MRTFA: variants seen among roughly 807,000 people sequenced by gnomAD.
MRTFA encodes myocardin related transcription factor A, also known as myocardin-related transcription factor A.
In MRTFA, 20 loss-of-function variants were observed where a neutral mutation model predicts 83.5. The observed-to-expected ratio is 0.24, with a 90% CI of 0.17 to 0.35. The LOEUF is 0.35. MRTFA is among the 10% of genes least tolerant of loss of function. MRTFA has a pLI of 1.00. For missense variants in MRTFA, 1,200 were observed against 1,224.7 expected (o/e 0.98, Z 0.30); for synonymous variants, 659 against 541.2 (o/e 1.22, Z -3.02).
At chr22:40,555,918 C>T (rs1475614674) in intron 2 of MRTFA, among the ~76,000 whole-genome samples, 2 of 151,984 alleles carry the variant, frequency 1.3e-5, no homozygotes, top group South Asian at 2.1e-4. Flanking sequence ...GGATTACAGG[C>T]GTGAGCCACC....
chr22:40,618,302 G>A (rs2056479567), intron 1 of MRTFA, among the ~76,000 whole-genome samples: 1 of 149,886 alleles, frequency 6.7e-6, no homozygotes, highest in Non-Finnish European at 1.5e-5. Flanking sequence ...GTGTTAGCCA[G>A]GGTGGTCTCA....
chr22:40,455,803 AGTATGTATGTATGTATGTAT>A (rs3044520), intron 4 of MRTFA, among the ~76,000 whole-genome samples: 5 of 143,256 alleles, frequency 3.5e-5, no homozygotes, highest in Admixed American at 1.4e-4. Flanking sequence ...ATGGTATCCC[AGTATGTATGTATGTATGTAT>A]GTATGTATGT....
intron 4 of MRTFA, among the ~76,000 whole-genome samples, chr22:40,457,371 A>C (rs1309800577): frequency 6.6e-6 from 1 of 151,620 alleles, no homozygotes; most frequent in East Asian, 1.9e-4. Flanking sequence ...TTTTGTCAAG[A>C]AAGAAAGGAA....
Position 40,553,218 on chromosome 22 carries a change from T to C in MRTFA, c.-21-851A>G, listed in dbSNP as rs146347350. Among the ~76,000 whole-genome samples, 451 of 152,306 alleles carry C rather than the reference T, an allele frequency of 3.0e-3. 3 individuals are homozygous for C. The highest frequency in any genetic ancestry group is 0.01 in the African/African-American group (427 of 41,568). On this transcript the variant is annotated intron_variant, in intron 2 of 14. Coordinates refer to ENST00000355630, the MANE Select transcript of MRTFA (RefSeq NM_020831.6). ...GAAAATCTGCAGCATGATGATGCAA[T>C]AGAAAACAAAAACTCATTTTCTGGG...
chr22:40,464,511 AAAAAAAAAGAAAG>A (rs2053780935), intron 3 of MRTFA, among the ~76,000 whole-genome samples: 1 of 151,656 alleles, frequency 6.6e-6, no homozygotes, highest in East Asian at 1.9e-4. Flanking sequence ...CCCGTCTAAA[AAAAAAAAAGAAAG>A]AAAAAAAAGA....
intron 3 of MRTFA, among the ~76,000 whole-genome samples, chr22:40,537,013 G>GA (rs2055192078): frequency 3.0e-5 from 1 of 33,624 alleles, no homozygotes; most frequent in Non-Finnish European, 5.9e-5. Context: ...GGAGGGAGGT[G>GA]GGGGGGGGTC....
chr22:40,523,836 T>C (rs928624497), intron 3 of MRTFA: 5 of 152,176 alleles, frequency 3.3e-5, no homozygotes, highest in African/African-American at 1.2e-4. Flanking sequence ...TTTTCAGTAC[T>C]TTACATAACC....
At chr22:40,470,585 T>C (rs975675372) in intron 3 of MRTFA, among the ~76,000 whole-genome samples, 1 of 150,892 alleles carries the variant, frequency 6.6e-6, no homozygotes, top group Non-Finnish European at 1.5e-5. Flanking sequence ...AAAAGGAAAC[T>C]AGGAAAAGAG....
At chr22:40,451,063 T>C (rs563703201) in intron 4 of MRTFA, among the ~76,000 whole-genome samples, 22 of 152,358 alleles carry the variant, frequency 1.4e-4, no homozygotes, top group African/African-American at 1.2e-4. Flanking sequence ...CTAGAAGCTA[T>C]GTTAAGTTTA....
intron 9 of MRTFA, 34 bp from the exon 10 acceptor site, chr22:40,421,134 G>A: frequency 1.3e-6 from 2 of 1,505,068 alleles, no homozygotes; most frequent in Non-Finnish European, 1.8e-6. Flanking sequence ...CCATTCAGGG[G>A]CAGCCTCAGG....
intron 3 of MRTFA, among the ~76,000 whole-genome samples, chr22:40,519,911 C>T (rs1407341452): frequency 1.3e-5 from 2 of 152,120 alleles, no homozygotes; most frequent in Non-Finnish European, 2.9e-5. Context: ...TTTAAGCTTA[C>T]AACAACTAGA....
chr22:40,595,848 T>C (rs569508357), intron 1 of MRTFA, among the ~76,000 whole-genome samples: 124 of 146,386 alleles, frequency 8.5e-4, no homozygotes, highest in African/African-American at 3.0e-3. Context: ...ACAGAATCAA[T>C]GGTATATCTA....
chr22:40,474,260 A>C (rs2053957839), intron 3 of MRTFA, among the ~76,000 whole-genome samples: 2 of 152,182 alleles, frequency 1.3e-5, no homozygotes, highest in African/African-American at 4.8e-5. Context: ...CAAACAAATA[A>C]ATTCAAGTTG....
intron 2 of MRTFA, among the ~76,000 whole-genome samples, chr22:40,554,919 A>G (rs2055497480): frequency 6.6e-6 from 1 of 152,250 alleles, no homozygotes; most frequent in Non-Finnish European, 1.5e-5. Flanking sequence ...AATGTGGGAC[A>G]TGGAGTCAAG....
chr22:40,508,942 C>T (rs1361945440), intron 3 of MRTFA, among the ~76,000 whole-genome samples: 1 of 152,038 alleles, frequency 6.6e-6, no homozygotes, highest in Admixed American at 6.6e-5. Context: ...CAGCTCAACC[C>T]TCAAACATCC....
intron 3 of MRTFA, among the ~76,000 whole-genome samples, chr22:40,498,162 C>G (rs2054388037): frequency 6.8e-6 from 1 of 147,416 alleles, no homozygotes; most frequent in Non-Finnish European, 1.5e-5. Flanking sequence ...ATGCACTTTA[C>G]TATATTTACA....
At chr22:40,487,795 A>G (rs756820969) in intron 3 of MRTFA, among the ~76,000 whole-genome samples, 6 of 152,228 alleles carry the variant, frequency 3.9e-5, no homozygotes, top group Non-Finnish European at 7.3e-5. Flanking sequence ...AGAGTGCTCA[A>G]AATGTATCTG....
intron 1 of MRTFA, among the ~76,000 whole-genome samples, chr22:40,627,367 T>C (rs1380835278): frequency 1.3e-5 from 2 of 152,148 alleles, no homozygotes; most frequent in Non-Finnish European, 2.9e-5. Flanking sequence ...TCCCACCTTG[T>C]CCTCCCAAAG....
chr22:40,485,871 G>GT (rs1454866507), intron 3 of MRTFA, among the ~76,000 whole-genome samples: 1 of 152,182 alleles, frequency 6.6e-6, no homozygotes, highest in Non-Finnish European at 1.5e-5. Context: ...AGAGATTAAC[G>GT]TAGTCCTAAG....
Sources: allele counts gnomAD v4.1 joint callset (sites outside exome capture counted in the v4.1 genomes callset), GRCh38; gene constraint gnomAD v4.1.1; transcripts MANE v1.5; gene names NCBI Gene and HGNC (gene_info 2026-07-23, HGNC 2026-07-21).